Variants in FAT4 observed in about 807,000 individuals in gnomAD.
FAT4 encodes the protein protocadherin Fat 4.
In FAT4, 84 loss-of-function variants were observed where a neutral mutation model predicts 303.9. That is an observed-to-expected ratio of 0.28 (90% CI 0.23 to 0.33). The LOEUF is 0.33. Ranked by LOEUF, FAT4 falls within the 10% of genes least tolerant of loss-of-function variation. FAT4 has a pLI of 1.00. For synonymous variants in FAT4, 2,307 were observed against 2,298.8 expected, an observed-to-expected ratio of 1.00 and a Z score of -0.10; for missense variants, 6,005 against 6,146.8, an observed-to-expected ratio of 0.98 and a Z score of 0.77.
At chr4:125,454,627 A>G (rs560125259) in intron 10 of FAT4, among the ~76,000 whole-genome samples, 1 of 152,162 alleles carries the variant, frequency 6.6e-6, no homozygotes, top group Admixed American at 6.5e-5. Context: ...TGAGGTCAGG[A>G]GTTCAAGACC....
At position 125,487,555 on chromosome 4, in the gene FAT4, A is replaced by G. The variant is rs1425185124; in HGVS notation, c.13033A>G (p.Ile4345Val). 5 of 1,613,454 alleles carry G rather than the reference A, an allele frequency of 3.1e-6. No individual in the cohort carries two copies. Among genetic ancestry groups the G allele is most frequent in the Admixed American group, 3.3e-5 (2 of 59,974 alleles). The change falls in exon 17 of 18, where the codon ATA becomes GTA. Residue 4345 changes from isoleucine to valine, a missense_variant. Transcript: ENST00000394329. ...CTTCGGTGGCCTTGATGTGCTTACTATATCACTTGGAGGAATTCCACCCAA... is the reference window on the plus strand; with the variant it reads ...CTTCGGTGGCCTTGATGTGCTTACTGTATCACTTGGAGGAATTCCACCCAA... The part of the protein sequence containing the change: ...QDFGGLDVLT[I>V]SLGGIPPNQA...
At chr4:125,358,040 G>A (rs1732505317) in intron 2 of FAT4, among the ~76,000 whole-genome samples, 1 of 152,086 alleles carries the variant, frequency 6.6e-6, no homozygotes, top group Non-Finnish European at 1.5e-5. Context: ...TTTTAAGTAA[G>A]CCAGCTTGGG....
intron 2 of FAT4, among the ~76,000 whole-genome samples, chr4:125,364,435 C>G (rs539081070): frequency 6.6e-6 from 1 of 151,800 alleles, no homozygotes; most frequent in Admixed American, 6.6e-5. Flanking sequence ...TTATTAATAA[C>G]GTATTTTAAT....
chr4:125,445,096 C>A (rs1317038683), intron 8 of FAT4, among the ~76,000 whole-genome samples: 2 of 152,000 alleles, frequency 1.3e-5, no homozygotes, highest in African/African-American at 4.8e-5. Flanking sequence ...GTGTGATTTG[C>A]CAAGCATATT....
chr4:125,450,012 G>A lies in FAT4; in HGVS notation c.9002G>A (p.Gly3001Asp). 2 of 1,613,884 alleles carry A rather than the reference G, an allele frequency of 1.2e-6. No homozygotes were observed. Among genetic ancestry groups the A allele is most frequent in the African/African-American group, 2.7e-5 (2 of 75,012 alleles). ...CCAGTCACCAAAAATGTTAAGGTTG[G>A]TACGAAGTTAATCAGAGTTACAGCA... is the stretch of plus-strand genomic sequence containing the variant. ...FTPVTKNVKV[G>D]TKLIRVTAID... Residue 3001 changes from glycine (G) to aspartate (D), a missense_variant, in exon 10 of 18, where the codon GGT becomes GAT. Transcript: ENST00000394329.
chr4:125,391,316 C>T (rs1346233575), intron 2 of FAT4, among the ~76,000 whole-genome samples: 2 of 152,138 alleles, frequency 1.3e-5, no homozygotes, highest in African/African-American at 4.8e-5. Context: ...GGTACATATA[C>T]ACCATGGAAT....
chr4:125,407,930 A>G (rs1385018480), intron 4 of FAT4, among the ~76,000 whole-genome samples: 2 of 152,238 alleles, frequency 1.3e-5, no homozygotes, highest in African/African-American at 2.4e-5. Context: ...CATCTACAGG[A>G]GACTCCTTCT....
At position 125,451,682 on chromosome 4, in the gene FAT4, A is replaced by G. The variant is rs1203511627; in HGVS notation, c.10672A>G (p.Ser3558Gly). ...CTTGCTGAGCACAGGTCCTGCCACCAGTTATTTCAGTCTGAGCACTGCTGG... is the reference window on the plus strand; with the variant it reads ...CTTGCTGAGCACAGGTCCTGCCACCGGTTATTTCAGTCTGAGCACTGCTGG... ...YYLLSTGPAT[S>G]YFSLSTAGVL... Residue 3558 changes from serine (S) to glycine (G), a missense_variant, in exon 10 of 18, where the codon AGT (serine) becomes GGT (glycine). Ser to Gly is a moderately conservative substitution (Grantham distance 56). Transcript: ENST00000394329. 1 of 1,614,134 alleles carries G rather than the reference A, an allele frequency of 6.2e-7. No homozygotes were observed. Among genetic ancestry groups the G allele is most frequent in the Non-Finnish European group, 8.5e-7 (1 of 1,180,010 alleles).
intron 8 of FAT4, among the ~76,000 whole-genome samples, chr4:125,444,883 A>G (rs1725776340): frequency 6.6e-6 from 1 of 152,100 alleles, no homozygotes; most frequent in African/African-American, 2.4e-5. Context: ...AGTTTTCTAC[A>G]CTTTGTAAAA....
intron 2 of FAT4, among the ~76,000 whole-genome samples, chr4:125,345,182 C>A (rs1731949214): frequency 6.6e-6 from 1 of 152,024 alleles, no homozygotes; most frequent in South Asian, 2.1e-4. Context: ...AGATGAATAT[C>A]CAGGTGCTTC....
rs554549454 is a variant in FAT4, at chr4:125,316,913, G to C, written c.502G>C (p.Gly168Arg). 23 of 1,613,878 alleles carry C rather than the reference G, an allele frequency of 1.4e-5. No homozygotes were observed. The East Asian group carries it at 4.9e-4, about 34-fold the overall frequency. ...CACCGACTCGGACATCGGCTCAAACGGTGTGGACCACCGCTCCTACCGCAT... is the reference window on the plus strand; with the variant it reads ...CACCGACTCGGACATCGGCTCAAACCGTGTGGACCACCGCTCCTACCGCAT... ...TATDSDIGSN[G>R]VDHRSYRIIR... The change falls in exon 2 of 18, where the codon GGT becomes CGT. Residue 168 changes from glycine (G) to arginine (R), a missense_variant. Transcript: ENST00000394329. The surrounding 1 kb of genome is among the most constrained non-coding windows in gnomAD (Gnocchi z 5.7).
intron 5 of FAT4, among the ~76,000 whole-genome samples, chr4:125,410,492 A>G (rs1006835382): frequency 6.6e-6 from 1 of 152,110 alleles, no homozygotes; most frequent in African/African-American, 2.4e-5. Flanking sequence ...TAGTTAGTCT[A>G]CCTATTCCAT....
At chr4:125,464,287 C>T (rs1198690094) in intron 11 of FAT4, among the ~76,000 whole-genome samples, 1 of 152,040 alleles carries the variant, frequency 6.6e-6, no homozygotes, top group African/African-American at 2.4e-5. Flanking sequence ...TATTTATTCA[C>T]CCTAGTGGAA....
At chr4:125,409,874 C>T (rs530627233) in intron 5 of FAT4, among the ~76,000 whole-genome samples, 1 of 152,096 alleles carries the variant, frequency 6.6e-6, no homozygotes, top group African/African-American at 2.4e-5. Context: ...ACTAAATTGT[C>T]TCATCAATAT....
chr4:125,469,901 G>A (rs1396610844), intron 12 of FAT4, among the ~76,000 whole-genome samples: 1 of 152,120 alleles, frequency 6.6e-6, no homozygotes, highest in East Asian at 1.9e-4. Flanking sequence ...TTTCCAGAAG[G>A]TTTTTAATTT....
intron 16 of FAT4, among the ~76,000 whole-genome samples, chr4:125,483,863 C>T (rs572125204): frequency 5.9e-4 from 89 of 150,194 alleles, no homozygotes; most frequent in Non-Finnish European, 1.1e-3. Flanking sequence ...AGTGCTTATA[C>T]AGACTAGGAA....
At chr4:125,477,445 T>C in intron 14 of FAT4, 111 bp downstream of exon 14, 1 of 978,696 alleles carries the variant, frequency 1.0e-6, no homozygotes, top group African/African-American at 1.7e-5. Flanking sequence ...AAATACCAAA[T>C]GATTTACATT....
chr4:125,404,567 T>G (rs1734514555), intron 3 of FAT4, among the ~76,000 whole-genome samples: 2 of 152,172 alleles, frequency 1.3e-5, no homozygotes, highest in Non-Finnish European at 1.5e-5. Context: ...TATTTTTATT[T>G]TATTGTGATA....
intron 14 of FAT4, among the ~76,000 whole-genome samples, chr4:125,477,693 A>G (rs900144322): frequency 6.6e-6 from 1 of 152,060 alleles, no homozygotes; most frequent in Admixed American, 6.6e-5. Flanking sequence ...TCATGGACAC[A>G]TAGAACTTTA....
Sources: allele counts gnomAD v4.1 joint callset (sites outside exome capture counted in the v4.1 genomes callset), GRCh38; gene constraint gnomAD v4.1.1; non-coding constraint Gnocchi (gnomAD v3.1); transcripts MANE v1.5; gene names NCBI Gene and HGNC (gene_info 2026-07-23, HGNC 2026-07-21).